Variants in ANGPT1 observed in about 807,000 individuals in gnomAD.
ANGPT1 encodes the protein angiopoietin 1.
Under a neutral mutation model 62.2 loss-of-function variants are expected in ANGPT1, and 17 were observed. The observed-to-expected ratio is 0.27, with a 90% CI of 0.19 to 0.41. The LOEUF is 0.41. Ranked by LOEUF, ANGPT1 falls within the 10% of genes least tolerant of loss-of-function variation. The pLI is 1.00. For missense variants in ANGPT1, 478 were observed against 594.9 expected, an observed-to-expected ratio of 0.80 and a Z score of 2.04; for synonymous variants, 199 against 198.9, an observed-to-expected ratio of 1.00 and a Z score of 0.00.
At chr8:107,341,853 A>T (rs1335718513) in intron 2 of ANGPT1, among the ~76,000 whole-genome samples, 1 of 151,982 alleles carries the variant, frequency 6.6e-6, no homozygotes, top group Non-Finnish European at 1.5e-5. Flanking sequence ...AGGCTTATCG[A>T]GTAGCTGTAA....
rs529911427 is a variant in ANGPT1 at position 107,443,535 on chromosome 8, G to A, written c.297+53727C>T. Among the ~76,000 whole-genome samples the A allele has an allele frequency of 1.6e-4, 24 of 152,114 alleles. 1 individual carries two copies. Among genetic ancestry groups the A allele is most frequent in the Admixed American group, 2.6e-4 (4 of 15,268 alleles). On this transcript the variant is annotated intron_variant, in intron 1 of 8. Coordinates refer to ENST00000517746, the MANE Select transcript of ANGPT1 (RefSeq NM_001146.5). ...AAGTAGACTAGTATACCGGCCGGGT[G>A]CGGTGGCTCACGCCGGTAATCCCAG...
intron 3 of ANGPT1, chr8:107,322,730 C>A: frequency 3.1e-6 from 1 of 325,876 alleles, no homozygotes; most frequent in Non-Finnish European, 5.9e-6. Context: ...TATTTTGAAA[C>A]TGTTGAAAAT....
At chr8:107,328,736 C>G (rs940971332) in intron 3 of ANGPT1, among the ~76,000 whole-genome samples, 2 of 151,826 alleles carry the variant, frequency 1.3e-5, no homozygotes, top group African/African-American at 4.8e-5. Context: ...CAAAAACATG[C>G]ACAACTTAAC....
chr8:107,273,680 T>A (rs1813792454), intron 7 of ANGPT1, among the ~76,000 whole-genome samples: 1 of 151,986 alleles, frequency 6.6e-6, no homozygotes. Flanking sequence ...CGCTTACTCA[T>A]TTCACACATC....
intron 6 of ANGPT1, among the ~76,000 whole-genome samples, chr8:107,285,668 C>G (rs996501313): frequency 6.6e-6 from 1 of 151,816 alleles, no homozygotes; most frequent in Non-Finnish European, 1.5e-5. Context: ...AAAAAGTGGT[C>G]CCAAAAGAAA....
At chr8:107,352,636 A>G (rs1331739826) in intron 1 of ANGPT1, among the ~76,000 whole-genome samples, 1 of 152,218 alleles carries the variant, frequency 6.6e-6, no homozygotes, top group African/African-American at 2.4e-5. Context: ...CTCTTAAACC[A>G]GAGCATATCT....
chr8:107,416,867 C>T (rs1485882286), intron 1 of ANGPT1, among the ~76,000 whole-genome samples: 1 of 150,014 alleles, frequency 6.7e-6, no homozygotes, highest in Non-Finnish European at 1.5e-5. Flanking sequence ...TCTTGGCTCA[C>T]TGCCACCTCT....
At chr8:107,365,356 T>A (rs1816250643) in intron 1 of ANGPT1, among the ~76,000 whole-genome samples, 1 of 152,196 alleles carries the variant, frequency 6.6e-6, no homozygotes, top group Admixed American at 6.5e-5. Flanking sequence ...TAAGACAGAT[T>A]GATGTTTAGA....
At chr8:107,406,202 A>G (rs1336066010) in intron 1 of ANGPT1, among the ~76,000 whole-genome samples, 3 of 151,788 alleles carry the variant, frequency 2.0e-5, no homozygotes, top group African/African-American at 7.2e-5. Flanking sequence ...TTTCTTCATC[A>G]TGTTCTTTGT....
chr8:107,415,732 T>A (rs1283678), intron 1 of ANGPT1, among the ~76,000 whole-genome samples: 1 of 151,940 alleles, frequency 6.6e-6, no homozygotes, highest in Non-Finnish European at 1.5e-5. Flanking sequence ...TAAAAAGAAA[T>A]TTGTCTGCTC....
intron 6 of ANGPT1, 108 bp downstream of exon 6, chr8:107,293,828 T>G (rs2130179968): frequency 1.3e-6 from 1 of 785,014 alleles, no homozygotes; most frequent in Admixed American, 2.8e-5. Context: ...TCATTTTATG[T>G]CAAAAATAAC....
chr8:107,365,672 C>G (rs1371623841), intron 1 of ANGPT1, among the ~76,000 whole-genome samples: 9 of 152,086 alleles, frequency 5.9e-5, no homozygotes, highest in Admixed American at 5.9e-4. Flanking sequence ...AACAAAGAGA[C>G]ATTAAAATAC....
intron 5 of ANGPT1, among the ~76,000 whole-genome samples, chr8:107,295,930 T>C (rs1814403504): frequency 6.6e-6 from 1 of 152,110 alleles, no homozygotes; most frequent in African/African-American, 2.4e-5. Flanking sequence ...GATGTAGGTA[T>C]GATGATCATC....
intron 1 of ANGPT1, among the ~76,000 whole-genome samples, chr8:107,402,459 A>G (rs902394696): frequency 6.6e-5 from 10 of 152,212 alleles, no homozygotes; most frequent in Admixed American, 6.5e-4. Context: ...TTTAGCAACT[A>G]ATACATATCA....
At chr8:107,452,090 A>G (rs1259283443) in intron 1 of ANGPT1, among the ~76,000 whole-genome samples, 1 of 151,746 alleles carries the variant, frequency 6.6e-6, no homozygotes, top group African/African-American at 2.4e-5. Context: ...AATGAATAGA[A>G]TAAGACAGGA....
At chr8:107,397,321 A>G (rs147071023) in intron 1 of ANGPT1, among the ~76,000 whole-genome samples, 1 of 152,320 alleles carries the variant, frequency 6.6e-6, no homozygotes, top group African/African-American at 2.4e-5. Flanking sequence ...CAATATGAAA[A>G]TGGTAAGAAC....
chr8:107,397,441 TTGTG>T (rs3036540), intron 1 of ANGPT1, among the ~76,000 whole-genome samples: 1 of 150,322 alleles, frequency 6.7e-6, no homozygotes, highest in Non-Finnish European at 1.5e-5. Flanking sequence ...AAAATGTTGC[TTGTG>T]TGTGTGTGTG....
chr8:107,328,562 CAT>C lies in ANGPT1; in HGVS notation c.576-6436_576-6435del, dbSNP rs1189359846. Among the ~76,000 whole-genome samples the C allele has an allele frequency of 2.0e-5, 3 of 151,438 alleles. No individual in the cohort carries two copies. In the South Asian group the frequency reaches 6.2e-4, roughly 31 times the overall value. ...TAATAAACTAGAGAAAATTTTGTAA[CAT>C]ATATTACAAAGTTTTAATATCCATT... On this transcript the variant is annotated intron_variant, in intron 3 of 8. Coordinates refer to ENST00000517746, the MANE Select transcript of ANGPT1 (RefSeq NM_001146.5).
At chr8:107,302,465 CT>C (rs1246386840) in intron 5 of ANGPT1, among the ~76,000 whole-genome samples, 1 of 151,880 alleles carries the variant, frequency 6.6e-6, no homozygotes, top group East Asian at 1.9e-4. Context: ...ATTTCTATCA[CT>C]ATACTTATTG....
Sources: allele counts gnomAD v4.1 joint callset (sites outside exome capture counted in the v4.1 genomes callset), GRCh38; gene constraint gnomAD v4.1.1; transcripts MANE v1.5; gene names NCBI Gene and HGNC (gene_info 2026-07-23, HGNC 2026-07-21).